MAD1L1: variants seen among roughly 807,000 people sequenced by gnomAD.
MAD1L1 encodes mitotic arrest deficient 1 like 1.
In MAD1L1, 95 loss-of-function variants were observed where a neutral mutation model predicts 96.9. The observed-to-expected ratio is 0.98, with a 90% CI of 0.83 to 1.16. The LOEUF is 1.16. MAD1L1 is among the 50% of genes most tolerant of loss of function. The pLI, the probability that MAD1L1 is intolerant of heterozygous loss-of-function variation, is 0.00. For synonymous variants in MAD1L1, 473 were observed against 396.6 expected, an observed-to-expected ratio of 1.19 and a Z score of -2.29; for missense variants, 1,007 against 954.4, an observed-to-expected ratio of 1.06 and a Z score of -0.73.
chr7:1,955,533 C>T, intron 16 of MAD1L1, among the ~76,000 whole-genome samples: 1 of 152,232 alleles, frequency 6.6e-6, no homozygotes, highest in Non-Finnish European at 1.5e-5. Context: ...TCAGGCAATC[C>T]ACCCGCCTCA....
intron 17 of MAD1L1, among the ~76,000 whole-genome samples, chr7:1,908,873 G>A (rs574576973): frequency 1.4e-4 from 21 of 152,300 alleles, no homozygotes; most frequent in African/African-American, 5.1e-4. Flanking sequence ...TCCCCCAAGT[G>A]TCTATTTCCC....
intron 17 of MAD1L1, among the ~76,000 whole-genome samples, chr7:1,911,184 G>C (rs1787995906): frequency 6.6e-6 from 1 of 152,074 alleles, no homozygotes; most frequent in East Asian, 1.9e-4. Flanking sequence ...GGCCTTCCTG[G>C]ATTCAGCACT....
intron 11 of MAD1L1, among the ~76,000 whole-genome samples, chr7:2,141,449 T>C (rs921953030): frequency 3.9e-5 from 6 of 151,940 alleles, no homozygotes; most frequent in African/African-American, 9.7e-5. Context: ...CCCCAGACCA[T>C]ACTGGGGGGC....
chr7:1,995,120 A>T (rs1020564257), intron 14 of MAD1L1, among the ~76,000 whole-genome samples: 2 of 152,148 alleles, frequency 1.3e-5, no homozygotes, highest in Non-Finnish European at 2.9e-5. Flanking sequence ...GAATTAGACA[A>T]CTTCCCTCCA....
At chr7:1,949,270 G>A (rs1779377092) in intron 16 of MAD1L1, among the ~76,000 whole-genome samples, 1 of 152,216 alleles carries the variant, frequency 6.6e-6, no homozygotes, top group African/African-American at 2.4e-5. Context: ...TGGAAAGGTC[G>A]GGCGGGTTAA....
At position 1,826,235 on chromosome 7, in the gene MAD1L1, C is replaced by T. The variant is rs572958375; in HGVS notation, c.1999-10007G>A. ...TGCACATCCACGGCCCGAAGGTGAT[C>T]CAGGAGCAGCAGCCACCACCGAGCC... On this transcript the variant is annotated intron_variant, in intron 18 of 18. Coordinates refer to ENST00000265854, the MANE Select transcript of MAD1L1 (RefSeq NM_001013836.2). 7.2e-5 allele frequency among the ~76,000 whole-genome samples: 11 copies of T among 152,130 alleles called. No individual in the cohort carries two copies. In the South Asian group the frequency reaches 2.3e-3, roughly 32 times the overall value.
intron 17 of MAD1L1, among the ~76,000 whole-genome samples, chr7:1,918,556 T>G (rs1229429596): frequency 1.3e-5 from 2 of 152,198 alleles, no homozygotes; most frequent in Non-Finnish European, 2.9e-5. Context: ...CAGGCGGGTG[T>G]GCCCAGCACA....
chr7:1,873,906 C>T (rs1014678046), intron 18 of MAD1L1, among the ~76,000 whole-genome samples: 2 of 152,156 alleles, frequency 1.3e-5, no homozygotes, highest in East Asian at 1.9e-4. Context: ...CCCATCAAGT[C>T]GGCACCAGGG....
At chr7:2,056,109 C>T (rs553386824) in intron 12 of MAD1L1, among the ~76,000 whole-genome samples, 10 of 152,338 alleles carry the variant, frequency 6.6e-5, no homozygotes, top group South Asian at 2.1e-4. Flanking sequence ...GCTGACCCCC[C>T]GACGCCTCAG....
chr7:1,986,439 G>C (rs1342322805), intron 14 of MAD1L1, among the ~76,000 whole-genome samples: 2 of 147,250 alleles, frequency 1.4e-5, no homozygotes, highest in Non-Finnish European at 3.0e-5. Flanking sequence ...CCAGGGTCAG[G>C]GGCCGCCTCT....
chr7:2,204,617 A>G (rs1792494206), intron 10 of MAD1L1, among the ~76,000 whole-genome samples: 1 of 152,224 alleles, frequency 6.6e-6, no homozygotes, highest in Non-Finnish European at 1.5e-5. Flanking sequence ...AGACCCTTTC[A>G]TGTTTCCAAG....
At chr7:2,012,709 G>A (rs944149015) in intron 13 of MAD1L1, among the ~76,000 whole-genome samples, 2 of 152,212 alleles carry the variant, frequency 1.3e-5, no homozygotes. Flanking sequence ...GGTGGTGGTT[G>A]AGGGCTCACC....
chr7:2,078,369 A>G (rs1047708814), intron 11 of MAD1L1, among the ~76,000 whole-genome samples: 1 of 152,186 alleles, frequency 6.6e-6, no homozygotes. Context: ...CTCGCTGCGA[A>G]TGGGCAGGGG....
At chr7:1,903,465 C>T (rs1329551315) in intron 17 of MAD1L1, among the ~76,000 whole-genome samples, 9 of 118,024 alleles carry the variant, frequency 7.6e-5, no homozygotes, top group Middle Eastern at 6.6e-3. Flanking sequence ...CAGTGGGCTA[C>T]TGAAGACGCT....
chr7:2,116,571 G>GT (rs1220598691), intron 11 of MAD1L1, among the ~76,000 whole-genome samples: 3 of 150,756 alleles, frequency 2.0e-5, no homozygotes, highest in Non-Finnish European at 4.4e-5. Flanking sequence ...GAGGGTTGGG[G>GT]GGGGGGGGGG....
chr7:2,119,340 A>T lies in MAD1L1; in HGVS notation c.1073+29812T>A, dbSNP rs1022815391. 7.2e-5 allele frequency among the ~76,000 whole-genome samples: 11 copies of T among 151,922 alleles called. No homozygotes were observed. The highest frequency in any genetic ancestry group is 2.0e-4 in the Admixed American group (3 of 15,256). ...GCAGCGCCTTCCCTATCGCATCTCC[A>T]TCACCCACCCTTTCTGACAGTGGCC... On this transcript the variant is annotated intron_variant, in intron 11 of 18. Transcript: ENST00000265854. This position sits in a 1 kb window ranked among gnomAD's most constrained non-coding sequence, Gnocchi z 4.6.
intron 12 of MAD1L1, among the ~76,000 whole-genome samples, chr7:2,045,390 G>A (rs1176396616): frequency 1.3e-5 from 2 of 152,144 alleles, no homozygotes; most frequent in East Asian, 3.9e-4. Context: ...GCTGCCGGGT[G>A]CCCTCTCAGG....
intron 18 of MAD1L1, among the ~76,000 whole-genome samples, chr7:1,895,221 C>A (rs1289749109): frequency 6.6e-6 from 1 of 152,208 alleles, no homozygotes; most frequent in Non-Finnish European, 1.5e-5. Flanking sequence ...GACTTCACTG[C>A]TCAGAAATGA....
intron 11 of MAD1L1, among the ~76,000 whole-genome samples, chr7:2,098,292 G>A (rs917767939): frequency 6.6e-6 from 1 of 152,198 alleles, no homozygotes; most frequent in Non-Finnish European, 1.5e-5. Context: ...CGCAGAAGGC[G>A]CATGGCAAAC....
Sources: allele counts gnomAD v4.1 joint callset (sites outside exome capture counted in the v4.1 genomes callset), GRCh38; gene constraint gnomAD v4.1.1; non-coding constraint Gnocchi (gnomAD v3.1); transcripts MANE v1.5; gene names NCBI Gene and HGNC (gene_info 2026-07-23, HGNC 2026-07-21).